ZNRF1: variants seen among roughly 807,000 people sequenced by gnomAD.
The protein encoded by ZNRF1 is E3 ubiquitin-protein ligase ZNRF1.
A neutral mutation model predicts 18.4 loss-of-function variants in ZNRF1; 3 were observed. The observed-to-expected ratio is 0.16, with a 90% CI of 0.07 to 0.42. The LOEUF is 0.42. Ranked by LOEUF, ZNRF1 falls within the 10% of genes least tolerant of loss-of-function variation. ZNRF1 has a pLI of 0.99. For synonymous variants in ZNRF1, 157 were observed against 144.2 expected, an observed-to-expected ratio of 1.09 and a Z score of -0.64; for missense variants, 310 against 329.8, an observed-to-expected ratio of 0.94 and a Z score of 0.47.
In ZNRF1 at chr16:75,106,521, G is replaced by A. The variant is rs141362193; in HGVS notation, c.666G>A (p.Pro222=). ...DSWFEVNRSC[P]EHPAD ...GGTTTGAAGTGAACAGATCTTGTCC[G>A]GAACACCCTGCGGACTGACCTGCGG... Residue 222 remains proline (P), a synonymous_variant, in exon 4 of 5, where the codon CCG becomes CCA. Transcript: ENST00000335325. 37 of 1,614,080 alleles carry A rather than the reference G, an allele frequency of 2.3e-5. No individual in the cohort carries two copies. Among genetic ancestry groups the A allele is most frequent in the African/African-American group, 2.3e-4 (17 of 75,008 alleles).
chr16:75,013,632 A>C (rs1377239780), intron 1 of ZNRF1, among the ~76,000 whole-genome samples: 1 of 151,870 alleles, frequency 6.6e-6, no homozygotes, highest in African/African-American at 2.4e-5. Context: ...GGCGTGAGCC[A>C]CCGCGCCAGG....
intron 1 of ZNRF1, among the ~76,000 whole-genome samples, chr16:75,059,773 A>G (rs2145385916): frequency 6.6e-6 from 1 of 152,304 alleles, no homozygotes; most frequent in South Asian, 2.1e-4. Flanking sequence ...TTAAACATGG[A>G]CTAAAGGTCT....
chr16:75,017,858 T>C (rs1385468601), intron 1 of ZNRF1, among the ~76,000 whole-genome samples: 2 of 152,132 alleles, frequency 1.3e-5, no homozygotes, highest in African/African-American at 4.8e-5. Context: ...CAGAGATGCC[T>C]TTATTGGAGG....
chr16:75,004,264 C>T (rs1355847457), intron 1 of ZNRF1, among the ~76,000 whole-genome samples: 6 of 152,174 alleles, frequency 3.9e-5, no homozygotes, highest in Non-Finnish European at 8.8e-5. Context: ...CTGATAAGGG[C>T]TGCTTTATAG....
At chr16:75,087,921 G>T (rs955826048) in intron 1 of ZNRF1, among the ~76,000 whole-genome samples, 3 of 152,230 alleles carry the variant, frequency 2.0e-5, no homozygotes, top group Non-Finnish European at 4.4e-5. Context: ...AGGGTGTGCC[G>T]CTCAGAGCCT....
At chr16:75,071,345 C>T (rs2035867761) in intron 1 of ZNRF1, among the ~76,000 whole-genome samples, 1 of 152,102 alleles carries the variant, frequency 6.6e-6, no homozygotes, top group Non-Finnish European at 1.5e-5. Context: ...AGCGATCTGC[C>T]CACCTTGGCC....
intron 1 of ZNRF1, among the ~76,000 whole-genome samples, chr16:75,050,903 A>C (rs1172707285): frequency 7.8e-4 from 104 of 132,548 alleles, no homozygotes; most frequent in African/African-American, 2.6e-3. Context: ...AAAAAACAAA[A>C]AACTTGTAGC....
At chr16:75,004,275 A>G (rs1408897028) in intron 1 of ZNRF1, among the ~76,000 whole-genome samples, 3 of 152,118 alleles carry the variant, frequency 2.0e-5, no homozygotes, top group Non-Finnish European at 4.4e-5. Context: ...TGCTTTATAG[A>G]AGCAGAGTGA....
In ZNRF1 at chr16:75,107,774, C is replaced by T. The variant is rs1287792166; in HGVS notation, c.*74C>T. On this transcript the variant is annotated 3_prime_UTR_variant, in exon 5 of 5. Coordinates refer to ENST00000335325, the MANE Select transcript of ZNRF1 (RefSeq NM_032268.5). Reference sequence around the variant, plus strand: ...CTCCAGGGAGGAGGCTCACCGGACCCTGGGGCAGAGCTGAGCTTGGGACAC... The same window carrying T: ...CTCCAGGGAGGAGGCTCACCGGACCTTGGGGCAGAGCTGAGCTTGGGACAC... 1 of 456,460 alleles carries T rather than the reference C, an allele frequency of 2.2e-6. No homozygotes were observed. The highest frequency in any genetic ancestry group is 4.4e-6 in the Non-Finnish European group (1 of 226,780). The allele number at this position is 456,460 out of a possible 1,614,324, so 28.3% of individuals were successfully genotyped here. A position where few individuals can be genotyped will look rare whatever the true frequency, so the allele number is the denominator to read the frequency against.
intron 1 of ZNRF1, among the ~76,000 whole-genome samples, chr16:75,069,766 CT>C (rs1597893535): frequency 6.6e-6 from 1 of 152,194 alleles, no homozygotes; most frequent in African/African-American, 2.4e-5. Flanking sequence ...CAGTCCAGAT[CT>C]TCCCCCTGGG....
chr16:75,085,816 G>GAGAA (rs2036066638), intron 1 of ZNRF1, among the ~76,000 whole-genome samples: 1 of 146,036 alleles, frequency 6.8e-6, no homozygotes, highest in Admixed American at 6.7e-5. Context: ...GAGAGAGAGA[G>GAGAA]AGTGAGTGTG....
chr16:75,025,710 T>G (rs1416122976), intron 1 of ZNRF1, among the ~76,000 whole-genome samples: 3 of 152,198 alleles, frequency 2.0e-5, no homozygotes, highest in Non-Finnish European at 4.4e-5. Flanking sequence ...TTCCCAGCCC[T>G]CTGTTCTGAA....
chr16:75,008,601 G>C (rs1484740468), intron 1 of ZNRF1, among the ~76,000 whole-genome samples: 4 of 152,074 alleles, frequency 2.6e-5, no homozygotes, highest in African/African-American at 9.7e-5. Context: ...TTCTTTGTGT[G>C]TGATGATCTG....
chr16:75,044,460 C>G (rs569671805), intron 1 of ZNRF1, among the ~76,000 whole-genome samples: 1 of 152,208 alleles, frequency 6.6e-6, no homozygotes, highest in East Asian at 1.9e-4. Context: ...CTCCTGATCT[C>G]AAGTGATCTG....
chr16:75,050,691 A>C (rs2145372937), intron 1 of ZNRF1, among the ~76,000 whole-genome samples: 1 of 151,500 alleles, frequency 6.6e-6, no homozygotes, highest in South Asian at 2.1e-4. Context: ...ACACGGTGAA[A>C]CACCGTCTCT....
chr16:74,999,621 G>T lies in ZNRF1; in HGVS notation c.-51G>T, dbSNP rs1329215556. 6.3e-6 allele frequency: 8 copies of T among 1,269,950 alleles called. No individual in the cohort carries two copies. The highest frequency in any genetic ancestry group is 6.3e-5 in the African/African-American group (4 of 63,858). The allele number at this position is 1,269,950 out of a possible 1,614,324, so 78.7% of individuals were successfully genotyped here. On this transcript the variant is annotated 5_prime_UTR_variant, in exon 1 of 5. Coordinates refer to ENST00000335325, the MANE Select transcript of ZNRF1 (RefSeq NM_032268.5). ...AGCCCTCCCCCTGCTGCTGAGAAGT[G>T]GGGGAGGGTCTCGGCCTCCAGGTTC... is the stretch of plus-strand genomic sequence containing the variant.
At chr16:75,058,421 G>C (rs1422952336) in intron 1 of ZNRF1, among the ~76,000 whole-genome samples, 1 of 152,158 alleles carries the variant, frequency 6.6e-6, no homozygotes, top group African/African-American at 2.4e-5. Context: ...ATAAATGTTA[G>C]ACCCAAGGAT....
chr16:75,012,377 G>A (rs2035010380), intron 1 of ZNRF1, among the ~76,000 whole-genome samples: 2 of 152,212 alleles, frequency 1.3e-5, no homozygotes, highest in East Asian at 1.9e-4. Flanking sequence ...AAGGATGGCT[G>A]TGGACCTAAT....
intron 1 of ZNRF1, chr16:75,002,327 A>G (rs931717158): frequency 4.6e-5 from 7 of 152,218 alleles, no homozygotes; most frequent in Admixed American, 3.3e-4. Context: ...TCTGTTACAC[A>G]TTGCTGCAAG....
Sources: allele counts gnomAD v4.1 joint callset (sites outside exome capture counted in the v4.1 genomes callset), GRCh38; gene constraint gnomAD v4.1.1; transcripts MANE v1.5; gene names NCBI Gene and HGNC (gene_info 2026-07-23, HGNC 2026-07-21).